Variants in CRYBG1 observed in about 807,000 individuals in gnomAD.
CRYBG1 encodes the protein crystallin beta-gamma domain containing 1, also known as beta/gamma crystallin domain-containing protein 1.
A neutral mutation model predicts 189.2 loss-of-function variants in CRYBG1; 139 were observed. That is an observed-to-expected ratio of 0.73 (90% confidence interval 0.64 to 0.85). The LOEUF (loss-of-function observed/expected upper bound fraction) is 0.85, where lower values mean the gene tolerates loss of function less well. CRYBG1 is among the 40% of genes least tolerant of loss of function. The probability of loss-of-function intolerance (pLI) is 0.00; values close to 1 mark genes in which losing one functional copy is unlikely to be tolerated. For synonymous variants in CRYBG1, 1,023 were observed against 1,017.1 expected (o/e 1.01, Z -0.11); for missense variants, 2,611 against 2,675.8 (o/e 0.98, Z 0.53).
At chr6:106,498,117 A>G (rs1049462205) in intron 2 of CRYBG1, among the ~76,000 whole-genome samples, 1 of 151,514 alleles carries the variant, frequency 6.6e-6, no homozygotes, top group Admixed American at 6.6e-5. Context: ...AAAAAAAAAA[A>G]AGTCAGCTGA....
At chr6:106,548,832 T>C (rs994386291) in intron 13 of CRYBG1, among the ~76,000 whole-genome samples, 3 of 151,738 alleles carry the variant, frequency 2.0e-5, no homozygotes, top group Non-Finnish European at 2.9e-5. Context: ...CATGTTGGTG[T>C]GCTGCACCCA....
At chr6:106,418,546 T>C (rs890143563) in intron 1 of CRYBG1, among the ~76,000 whole-genome samples, 5 of 152,252 alleles carry the variant, frequency 3.3e-5, no homozygotes, top group African/African-American at 1.2e-4. Flanking sequence ...ACTCCACTAT[T>C]GTTTTAGCCT....
Position 106,568,579 on chromosome 6 carries a change from G to A in CRYBG1, c.*13G>A, listed in dbSNP as rs1479295254. ...CCTATATACCTGAACAAAGAAGGAA[G>A]AAGAATCTTCTGGAGGTCCTTCCAG... On this transcript the variant is annotated 3_prime_UTR_variant, in exon 22 of 22. Transcript: ENST00000633556. 6.3e-7 allele frequency: 1 copy of A among 1,587,474 alleles called. No individual in the cohort carries two copies. The highest frequency in any genetic ancestry group is 1.7e-5 in the Admixed American group (1 of 59,516).
chr6:106,529,614 G>C (rs1012964218), intron 7 of CRYBG1, among the ~76,000 whole-genome samples: 2 of 152,218 alleles, frequency 1.3e-5, no homozygotes, highest in Non-Finnish European at 2.9e-5. Context: ...TTGGACCACA[G>C]ATATGCGGGG....
intron 13 of CRYBG1, among the ~76,000 whole-genome samples, chr6:106,548,805 C>T (rs1228641809): frequency 1.3e-5 from 2 of 151,602 alleles, no homozygotes; most frequent in East Asian, 3.9e-4. Context: ...AGGTTAGTTA[C>T]ATATGTATAC....
Position 106,571,993 on chromosome 6 carries a change from T to C in CRYBG1, c.*3427T>C, listed in dbSNP as rs370232767. On this transcript the variant is annotated 3_prime_UTR_variant, in exon 22 of 22. Transcript: ENST00000633556. ...GTCAACAATCACTAAACTGCATTTT[T>C]ATTTAAACAACATTAATTACAGTCT... 1.9e-6 allele frequency: 3 copies of C among 1,608,370 alleles called. No homozygotes were observed. Among genetic ancestry groups the C allele is most frequent in the African/African-American group, 2.7e-5 (2 of 74,770 alleles).
Position 106,506,541 on chromosome 6 carries a change from C to T in CRYBG1, c.313-4889C>T, listed in dbSNP as rs1773137214. Among the ~76,000 whole-genome samples, 8 of 149,452 alleles carry T rather than the reference C, an allele frequency of 5.4e-5. No individual in the cohort carries two copies. In the South Asian group the frequency reaches 1.7e-3, roughly 32 times the overall value. On this transcript the variant is annotated intron_variant, in intron 2 of 21. Transcript: ENST00000633556. ...GATCTCAGTTCACTGCAACCTCCGCCTCCTGGATTGAAGCAATTCTTCTGC... is the reference window on the plus strand; with the variant it reads ...GATCTCAGTTCACTGCAACCTCCGCTTCCTGGATTGAAGCAATTCTTCTGC...
At position 106,512,642 on chromosome 6, in the gene CRYBG1, G is replaced by T; in HGVS notation, c.1525G>T (p.Ala509Ser). Residue 509 changes from alanine (A) to serine (S), a missense_variant, in exon 3 of 22, where the codon GCT becomes TCT. Ala to Ser is a moderately conservative substitution (Grantham distance 99). Transcript: ENST00000633556. ...ESDRSKQPPPASSPTKRKGRS... is the reference protein window; with the variant it reads ...ESDRSKQPPPSSSPTKRKGRS... ...GGACCGGAGCAAACAGCCACCCCCGGCTTCGTCCCCCACGAAGAGGAAGGG... is the reference window on the plus strand; with the variant it reads ...GGACCGGAGCAAACAGCCACCCCCGTCTTCGTCCCCCACGAAGAGGAAGGG... The T allele has an allele frequency of 6.3e-7, 1 of 1,588,874 alleles. No homozygotes were observed. Among genetic ancestry groups the T allele is most frequent in the Non-Finnish European group, 8.6e-7 (1 of 1,168,602 alleles).
At chr6:106,380,752 T>C (rs1770269893) in intron 1 of CRYBG1, among the ~76,000 whole-genome samples, 1 of 152,178 alleles carries the variant, frequency 6.6e-6, no homozygotes, top group Admixed American at 6.5e-5. Flanking sequence ...GGTCTTAAAG[T>C]CTCTGAATTA....
At position 106,525,189 on chromosome 6, in the gene CRYBG1, AT is replaced by A; in HGVS notation, c.4293+13del. 1.2e-6 allele frequency: 2 copies of A among 1,614,058 alleles called. No individual in the cohort carries two copies. Among genetic ancestry groups the A allele is most frequent in the Middle Eastern group, 3.3e-4 (2 of 6,060 alleles). Reference sequence around the variant, plus strand: ...ATCCCCGACCTGGAAAGGTAAGATTATTTTCTGTTTCTAGTCTTGATTCTAT... The same window carrying A: ...ATCCCCGACCTGGAAAGGTAAGATTATTTCTGTTTCTAGTCTTGATTCTAT... On this transcript the variant is annotated intron_variant, in intron 5 of 21. Coordinates refer to ENST00000633556, the MANE Select transcript of CRYBG1 (RefSeq NM_001371242.2).
chr6:106,540,690 C>CG (rs1774107882), intron 9 of CRYBG1, among the ~76,000 whole-genome samples: 1 of 141,956 alleles, frequency 7.0e-6, no homozygotes. Context: ...TTCCTTTTTC[C>CG]TTTTTTTTTT....
At chr6:106,556,729 T>A (rs1388932000) in intron 17 of CRYBG1, among the ~76,000 whole-genome samples, 2 of 152,212 alleles carry the variant, frequency 1.3e-5, no homozygotes, top group African/African-American at 4.8e-5. Context: ...ACACACGTAA[T>A]TGCTCATTTT....
At chr6:106,494,497 C>T (rs1343109932) in intron 2 of CRYBG1, among the ~76,000 whole-genome samples, 1 of 152,104 alleles carries the variant, frequency 6.6e-6, no homozygotes, top group Non-Finnish European at 1.5e-5. Flanking sequence ...GTTTCTAGTA[C>T]TGGTGGTCAT....
chr6:106,372,755 A>G (rs1012645010), intron 1 of CRYBG1, among the ~76,000 whole-genome samples: 1 of 152,226 alleles, frequency 6.6e-6, no homozygotes, highest in Admixed American at 6.5e-5. Flanking sequence ...GTATAAGACA[A>G]GGGACATGAA....
intron 10 of CRYBG1, among the ~76,000 whole-genome samples, chr6:106,541,980 C>G (rs1464134070): frequency 6.6e-6 from 1 of 152,112 alleles, no homozygotes; most frequent in East Asian, 1.9e-4. Flanking sequence ...GACAAACTTT[C>G]CCTACTCCAA....
At chr6:106,546,015 T>A (rs530350626) in intron 13 of CRYBG1, among the ~76,000 whole-genome samples, 8 of 152,322 alleles carry the variant, frequency 5.3e-5, no homozygotes, top group Admixed American at 5.2e-4. Context: ...AGCTTCTCTT[T>A]CTCACAAGTT....
intron 2 of CRYBG1, among the ~76,000 whole-genome samples, chr6:106,505,078 A>G (rs1031714157): frequency 6.6e-6 from 1 of 150,748 alleles, no homozygotes; most frequent in Non-Finnish European, 1.5e-5. Context: ...GACAACAGGC[A>G]TGCCCCACCT....
intron 13 of CRYBG1, among the ~76,000 whole-genome samples, chr6:106,551,097 A>G (rs1774393707): frequency 6.6e-6 from 1 of 152,104 alleles, no homozygotes; most frequent in South Asian, 2.1e-4. Flanking sequence ...CAACCTGAGC[A>G]TAGCATGCAA....
At chr6:106,375,433 A>G (rs556518864) in intron 1 of CRYBG1, among the ~76,000 whole-genome samples, 4 of 146,576 alleles carry the variant, frequency 2.7e-5, no homozygotes, top group African/African-American at 5.0e-5. Flanking sequence ...AAATAAATAA[A>G]TAAATAAATA....
Sources: allele counts gnomAD v4.1 joint callset (sites outside exome capture counted in the v4.1 genomes callset), GRCh38; gene constraint gnomAD v4.1.1; transcripts MANE v1.5; gene names NCBI Gene and HGNC (gene_info 2026-07-23, HGNC 2026-07-21).